KCNH8: variants seen among roughly 807,000 people sequenced by gnomAD.
KCNH8 encodes voltage-gated delayed rectifier potassium channel KCNH8.
In KCNH8, 70 loss-of-function variants were observed where a neutral mutation model predicts 103.6. The ratio of observed to expected loss-of-function variants is 0.68; its 90% CI spans 0.56 to 0.82. The LOEUF is 0.82. KCNH8 is among the 40% of genes least tolerant of loss of function. The pLI is 0.00. For synonymous variants in KCNH8, 498 were observed against 489.4 expected (o/e 1.02, Z -0.23); for missense variants, 1,217 against 1,329.9 (o/e 0.92, Z 1.32).
At chr3:19,363,177 G>A (rs572787541) in intron 5 of KCNH8, among the ~76,000 whole-genome samples, 1 of 152,086 alleles carries the variant, frequency 6.6e-6, no homozygotes, top group Non-Finnish European at 1.5e-5. Context: ...CCAAGAGAAG[G>A]TCTCTTAAAG....
intron 11 of KCNH8, among the ~76,000 whole-genome samples, chr3:19,483,019 AT>A (rs2068120462): frequency 6.7e-6 from 1 of 150,280 alleles, no homozygotes; most frequent in Non-Finnish European, 1.5e-5. Context: ...ATATTGTATG[AT>A]TTTTTTTCAG....
rs559542173 is a variant in KCNH8 at position 19,426,322 on chromosome 3, T to C, written c.1178-11842T>C. The stretch of plus-strand genomic sequence containing the variant: ...AACTTGCCACATGGAAATTAAAACA[T>C]GCTTCTCAAAATTGGAGTTTCTTGA... On this transcript the variant is annotated intron_variant, in intron 7 of 15. Transcript: ENST00000328405. 3.3e-5 allele frequency among the ~76,000 whole-genome samples: 5 copies of C among 152,204 alleles called. No individual in the cohort carries two copies. In the East Asian group the frequency reaches 9.7e-4, roughly 29 times the overall value.
chr3:19,481,804 C>T (rs2068091456), intron 11 of KCNH8, among the ~76,000 whole-genome samples: 1 of 152,188 alleles, frequency 6.6e-6, no homozygotes, highest in African/African-American at 2.4e-5. Flanking sequence ...ACAGCATTAA[C>T]TGCTGGAGAA....
chr3:19,258,830 T>C (rs2064379859), intron 2 of KCNH8, among the ~76,000 whole-genome samples: 1 of 151,186 alleles, frequency 6.6e-6, no homozygotes, highest in East Asian at 2.0e-4. Flanking sequence ...TATCTTCTGC[T>C]CTAGTTGGTC....
At chr3:19,164,996 TG>T (rs2063268565) in intron 1 of KCNH8, among the ~76,000 whole-genome samples, 1 of 151,720 alleles carries the variant, frequency 6.6e-6, no homozygotes, top group Non-Finnish European at 1.5e-5. Context: ...TCTTTAGGGG[TG>T]GGGGTCAGGA....
At chr3:19,272,177 T>G (rs1177717005) in intron 2 of KCNH8, among the ~76,000 whole-genome samples, 1 of 152,018 alleles carries the variant, frequency 6.6e-6, no homozygotes, top group Non-Finnish European at 1.5e-5. Context: ...TTGCTTCATT[T>G]TGGATGGTTT....
intron 3 of KCNH8, among the ~76,000 whole-genome samples, chr3:19,284,776 A>G (rs991244449): frequency 2.6e-5 from 4 of 152,030 alleles, no homozygotes; most frequent in African/African-American, 9.7e-5. Flanking sequence ...ACTTTGATAT[A>G]AAATTTGGAT....
intron 1 of KCNH8, among the ~76,000 whole-genome samples, chr3:19,154,781 G>T (rs2063165147): frequency 6.6e-6 from 1 of 152,292 alleles, no homozygotes; most frequent in East Asian, 1.9e-4. Flanking sequence ...AAAAAGAATT[G>T]AGGGTTTGCT....
chr3:19,376,836 C>A lies in KCNH8; in HGVS notation c.812-13645C>A, dbSNP rs76040730. On this transcript the variant is annotated intron_variant, in intron 5 of 15. Transcript: ENST00000328405. ...AAAGTTTGGGATACTAAACAAGAAG[C>A]AACTCTCATTCCCCTTTTTGGGAGA... 7.1e-3 allele frequency among the ~76,000 whole-genome samples: 1,085 copies of A among 152,270 alleles called. 5 individuals are homozygous for A. The highest frequency in any genetic ancestry group is 0.013 in the Non-Finnish European group (870 of 68,024).
intron 11 of KCNH8, among the ~76,000 whole-genome samples, chr3:19,502,996 C>A (rs1357036543): frequency 1.3e-5 from 2 of 151,880 alleles, no homozygotes; most frequent in Admixed American, 6.6e-5. Context: ...AGGCAACCTA[C>A]AAAATGGGAG....
chr3:19,429,483 T>C (rs770008736), intron 7 of KCNH8, among the ~76,000 whole-genome samples: 5 of 152,170 alleles, frequency 3.3e-5, no homozygotes, highest in Non-Finnish European at 2.9e-5. Context: ...CGGAATCCAC[T>C]CTTCTAACAA....
chr3:19,468,468 TTTGAAAGAACAAA>T (rs1187616838), intron 11 of KCNH8, among the ~76,000 whole-genome samples: 4 of 152,184 alleles, frequency 2.6e-5, no homozygotes, highest in African/African-American at 9.7e-5. Context: ...AATACTAGGA[TTTGAAAGAACAAA>T]TTGAAAGAAC....
intron 1 of KCNH8, among the ~76,000 whole-genome samples, chr3:19,165,061 A>G (rs2063269374): frequency 6.6e-6 from 1 of 152,158 alleles, no homozygotes; most frequent in Non-Finnish European, 1.5e-5. Flanking sequence ...GGTGATGGAT[A>G]TGGTCACTGT....
intron 5 of KCNH8, among the ~76,000 whole-genome samples, chr3:19,349,315 G>A (rs927722548): frequency 6.6e-6 from 1 of 151,926 alleles, no homozygotes; most frequent in Non-Finnish European, 1.5e-5. Context: ...GGGTGTGTCT[G>A]TGGTTTTGTA....
chr3:19,225,138 C>G (rs1234851426), intron 1 of KCNH8, among the ~76,000 whole-genome samples: 2 of 152,006 alleles, frequency 1.3e-5, no homozygotes, highest in African/African-American at 4.8e-5. Flanking sequence ...AGACTTTACT[C>G]TCAATACCTG....
chr3:19,452,825 C>T (rs1277579234), intron 10 of KCNH8, among the ~76,000 whole-genome samples: 4 of 152,096 alleles, frequency 2.6e-5, no homozygotes, highest in Non-Finnish European at 5.9e-5. Context: ...TAACCTAAGA[C>T]TTTGGACTCT....
chr3:19,297,629 G>A (rs2065013142), intron 3 of KCNH8, among the ~76,000 whole-genome samples: 1 of 152,144 alleles, frequency 6.6e-6, no homozygotes, highest in Non-Finnish European at 1.5e-5. Flanking sequence ...GTCTACTGAA[G>A]GTATGGCACA....
At position 19,497,936 on chromosome 3, in the gene KCNH8, A is replaced by G. The variant is rs1306628849; in HGVS notation, c.2041-12427A>G. The stretch of plus-strand genomic sequence containing the variant: ...CTGGGTGCTCCTCCCTTGAAGGCAT[A>G]TATATTTAGGATAGTTAGGTCTTCT... On this transcript the variant is annotated intron_variant, in intron 11 of 15. Transcript: ENST00000328405. Among the ~76,000 whole-genome samples, 3 of 152,130 alleles carry G rather than the reference A, an allele frequency of 2.0e-5. 1 individual carries two copies. The highest frequency in any genetic ancestry group is 2.0e-4 in the Admixed American group (3 of 15,272).
intron 7 of KCNH8, among the ~76,000 whole-genome samples, chr3:19,427,865 A>G (rs1425233955): frequency 2.6e-5 from 4 of 152,210 alleles, no homozygotes; most frequent in Non-Finnish European, 5.9e-5. Context: ...ACAGTAGACA[A>G]CCTGAGAAAT....
Sources: allele counts gnomAD v4.1 joint callset (sites outside exome capture counted in the v4.1 genomes callset), GRCh38; gene constraint gnomAD v4.1.1; transcripts MANE v1.5; gene names NCBI Gene and HGNC (gene_info 2026-07-23, HGNC 2026-07-21).